Variants in MINK1 observed in about 807,000 individuals in gnomAD.
MINK1 encodes the protein misshapen like kinase 1.
A neutral mutation model predicts 178.4 loss-of-function variants in MINK1; 46 were observed. That is an observed-to-expected ratio of 0.26 (90% CI 0.20 to 0.33). MINK1 has a LOEUF of 0.33. Ranked by LOEUF, MINK1 falls within the 10% of genes least tolerant of loss-of-function variation. The pLI is 1.00. For missense variants in MINK1, 1,366 were observed against 1,814.9 expected, an observed-to-expected ratio of 0.75 and a Z score of 4.49; for synonymous variants, 797 against 709.7, an observed-to-expected ratio of 1.12 and a Z score of -1.96.
intron 1 of MINK1, among the ~76,000 whole-genome samples, chr17:4,849,301 C>T (rs1911548492): frequency 6.6e-6 from 1 of 152,194 alleles, no homozygotes; most frequent in Non-Finnish European, 1.5e-5. Flanking sequence ...AGCTCTGGAC[C>T]CACCCAGAGA....
In MINK1 at chr17:4,896,317, G is replaced by C; in HGVS notation, c.3590G>C (p.Ser1197Thr). 1 of 1,600,056 alleles carries C rather than the reference G, an allele frequency of 6.2e-7. No individual in the cohort carries two copies. The highest frequency in any genetic ancestry group is 1.3e-5 in the African/African-American group (1 of 74,894). ...FHAVDVDSGN[S>T]YDIYIPVHIQ... is the part of the protein sequence containing the mutation. ...GCTGTGGATGTCGACTCGGGGAACA[G>C]CTATGACATCTACATCCCTGTGCAC... Residue 1197 changes from serine (S) to threonine (T), a missense_variant, in exon 29 of 32, where the codon AGC becomes ACC. Transcript: ENST00000355280. This position sits in a 1 kb window ranked among gnomAD's most constrained non-coding sequence, Gnocchi z 4.6.
Position 4,897,233 on chromosome 17 carries a change from C to A in MINK1, c.3945C>A (p.Gly1315=). The part of the protein sequence containing the change: ...KVFFASVRSG[G]SSQVYFMTLN... The stretch of plus-strand genomic sequence containing the variant: ...TTTTTGCCTCAGTCCGCTCTGGGGG[C>A]AGCAGCCAAGTTTACTTCATGACTC... The change falls in exon 32 of 32, where the codon GGC becomes GGA. Residue 1315 remains glycine (G), a synonymous_variant. Transcript: ENST00000355280. 6.2e-7 allele frequency: 1 copy of A among 1,613,802 alleles called. No homozygotes were observed.
chr17:4,890,072 T>G, intron 13 of MINK1: 1 of 447,186 alleles, frequency 2.2e-6, no homozygotes. Flanking sequence ...GCTCATGTCA[T>G]CCCCTCCCCT....
intron 1 of MINK1, chr17:4,851,174 G>T (rs916622213): frequency 2.7e-6 from 1 of 365,016 alleles, no homozygotes; most frequent in South Asian, 2.0e-5. Flanking sequence ...GCCTTGCTTT[G>T]TGGGAGCCAG....
At chr17:4,880,612 C>T (rs963444626) in intron 2 of MINK1, among the ~76,000 whole-genome samples, 3 of 147,840 alleles carry the variant, frequency 2.0e-5, no homozygotes, top group Non-Finnish European at 3.0e-5. Context: ...AGATAGAAAA[C>T]AGTCGGGCCG....
intron 12 of MINK1, among the ~76,000 whole-genome samples, chr17:4,888,065 A>G (rs892864824): frequency 2.0e-5 from 3 of 151,990 alleles, no homozygotes; most frequent in African/African-American, 7.3e-5. Flanking sequence ...ATAATACAAA[A>G]ATTAGCCAGG....
At chr17:4,848,684 A>G (rs1363622675) in intron 1 of MINK1, among the ~76,000 whole-genome samples, 1 of 150,294 alleles carries the variant, frequency 6.7e-6, no homozygotes, top group East Asian at 2.0e-4. Flanking sequence ...TTTAGTAGAG[A>G]TGGGGTTTTG....
At chr17:4,867,041 T>C (rs1016699920) in intron 1 of MINK1, among the ~76,000 whole-genome samples, 3 of 141,076 alleles carry the variant, frequency 2.1e-5, no homozygotes, top group Non-Finnish European at 3.1e-5. Flanking sequence ...CCGCTTGCAC[T>C]CCAGCCTGGG....
chr17:4,890,731 G>C lies in MINK1; in HGVS notation c.1562G>C (p.Arg521Pro), dbSNP rs1414854670. ...CCCGCTGACAAACCAGCCTGGGCCC[G>C]AGAGGTACTCACTGCCTCCTTTGCC... ...MNPADKPAWA[R>P]EVEERTRMNK... The change falls in exon 14 of 32, where the codon CGA (arginine) becomes CCA (proline). Residue 521 changes from arginine (R) to proline (P), a missense_variant. This residue lies in a region of MINK1 where 709 missense variants were observed against 692.3 expected (regional missense o/e 1.02). Transcript: ENST00000355280. The C allele has an allele frequency of 6.5e-7, 1 of 1,546,102 alleles. No homozygotes were observed. The highest frequency in any genetic ancestry group is 1.2e-5 in the South Asian group (1 of 83,906).
intron 4 of MINK1, among the ~76,000 whole-genome samples, chr17:4,881,780 C>G (rs1168904839): frequency 3.9e-5 from 6 of 152,262 alleles, no homozygotes; most frequent in African/African-American, 1.4e-4. Context: ...CCAAATTCCT[C>G]CTGCCTGGCC....
At chr17:4,851,125 C>T (rs1308986317) in intron 1 of MINK1, 14 of 424,242 alleles carry the variant, frequency 3.3e-5, no homozygotes, top group East Asian at 1.6e-4. Context: ...ATCCCAGTAA[C>T]GCCAACAGTT....
intron 1 of MINK1, among the ~76,000 whole-genome samples, chr17:4,862,197 G>A (rs982481156): frequency 2.0e-5 from 3 of 152,178 alleles, no homozygotes; most frequent in African/African-American, 4.8e-5. Context: ...AGGGAGAGAT[G>A]CAGCAGAGAC....
chr17:4,889,731 G>GAGGAGGAGCGGCGGC lies in MINK1; in HGVS notation c.1319_1333dup (p.Glu440_Gln444dup), dbSNP rs952311513. On this transcript the variant is annotated inframe_insertion, in exon 13 of 32. Coordinates refer to ENST00000355280, the MANE Select transcript of MINK1 (RefSeq NM_153827.5). ...GGAGGACATGCAGGCTCTGCGGCGG[G>GAGGAGGAGCGGCGGC]AGGAGGAGCGGCGGCAGGCGGAGCG... 364 of 1,547,662 alleles carry GAGGAGGAGCGGCGGC rather than the reference G, an allele frequency of 2.4e-4. No individual in the cohort carries two copies. The highest frequency in any genetic ancestry group is 2.9e-4 in the Non-Finnish European group (334 of 1,149,190).
At position 4,894,805 on chromosome 17, in the gene MINK1, C is replaced by T. The variant is rs1411615519; in HGVS notation, c.2917+172C>T. On this transcript the variant is annotated intron_variant, in intron 24 of 31. Transcript: ENST00000355280. The surrounding 1 kb of genome is among the most constrained non-coding windows in gnomAD (Gnocchi z 4.1). ...GGAAGAGCCTCTGAGACCCCTCCTT[C>T]CTGTCCCACAGGACAGGAAATGCTC... The T allele has an allele frequency of 1.6e-6, 1 of 640,710 alleles. No individual in the cohort carries two copies. Among genetic ancestry groups the T allele is most frequent in the South Asian group, 1.9e-5 (1 of 52,124 alleles). The allele number at this position is 640,710 out of a possible 1,614,324, so 39.7% of individuals were successfully genotyped here. A position where few individuals can be genotyped will look rare whatever the true frequency, so the allele number is the denominator to read the frequency against.
intron 1 of MINK1, among the ~76,000 whole-genome samples, chr17:4,849,629 A>G (rs1292668343): frequency 1.3e-5 from 2 of 152,048 alleles, no homozygotes; most frequent in African/African-American, 2.4e-5. Context: ...CTGGAGTGCA[A>G]TGGTGCGATC....
At position 4,895,586 on chromosome 17, in the gene MINK1, T is replaced by TG. The variant is rs1242751910; in HGVS notation, c.3229+97dup. ...TGGGAGGAGGGCAGGCACTGGAAGGTGGGGCCACACTTTCTCACCCCTTGT... is the reference window on the plus strand; with the variant it reads ...TGGGAGGAGGGCAGGCACTGGAAGGTGGGGGCCACACTTTCTCACCCCTTGT... On this transcript the variant is annotated intron_variant, in intron 26 of 31. Coordinates refer to ENST00000355280, the MANE Select transcript of MINK1 (RefSeq NM_153827.5). This position sits in a 1 kb window ranked among gnomAD's most constrained non-coding sequence, Gnocchi z 4.3. 34 of 1,546,688 alleles carry TG rather than the reference T, an allele frequency of 2.2e-5. No homozygotes were observed. The highest frequency in any genetic ancestry group is 1.5e-4 in the Admixed American group (8 of 53,530).
chr17:4,856,963 G>C (rs1361695380), intron 1 of MINK1: 2 of 170,578 alleles, frequency 1.2e-5, no homozygotes, highest in Non-Finnish European at 2.5e-5. Context: ...TTTGTGGAGA[G>C]AATGAGCACC....
At chr17:4,871,376 G>A (rs34787371) in intron 1 of MINK1, among the ~76,000 whole-genome samples, 3 of 151,504 alleles carry the variant, frequency 2.0e-5, no homozygotes, top group Admixed American at 6.6e-5. Flanking sequence ...ATTTTTTGTA[G>A]AGATGTGGTC....
At chr17:4,874,150 C>T (rs1012501648) in intron 1 of MINK1, among the ~76,000 whole-genome samples, 2 of 152,146 alleles carry the variant, frequency 1.3e-5, no homozygotes, top group African/African-American at 4.8e-5. Context: ...GAGTACTTGG[C>T]CAATCTATAA....
Sources: allele counts gnomAD v4.1 joint callset (sites outside exome capture counted in the v4.1 genomes callset), GRCh38; gene constraint gnomAD v4.1.1; regional missense constraint gnomAD v4.1.1; non-coding constraint Gnocchi (gnomAD v3.1); transcripts MANE v1.5; gene names NCBI Gene and HGNC (gene_info 2026-07-23, HGNC 2026-07-21).